GRM8: variants seen among roughly 807,000 people sequenced by gnomAD.
GRM8 encodes the protein glutamate metabotropic receptor 8, also known as metabotropic glutamate receptor 8.
GRM8 carries 47 observed loss-of-function variants against 87.2 expected under a neutral mutation model. The observed-to-expected ratio is 0.54, with a 90% CI of 0.43 to 0.69. GRM8 has a LOEUF of 0.69. GRM8 is among the 30% of genes least tolerant of loss of function. The pLI is 0.00. For missense variants in GRM8, 1,019 were observed against 1,139.2 expected, an observed-to-expected ratio of 0.89 and a Z score of 1.52; for synonymous variants, 396 against 404.5, an observed-to-expected ratio of 0.98 and a Z score of 0.25.
In GRM8 at chr7:126,574,136, T is replaced by C. The variant is rs139385815; in HGVS notation, c.1494+35226A>G. ...TAAAACACCATTTTAAATGACACTG[T>C]TACCATCACCCACCTACCCTGGAGA... On this transcript the variant is annotated intron_variant, in intron 8 of 10. Transcript: ENST00000339582. Among the ~76,000 whole-genome samples the C allele has an allele frequency of 5.1e-3, 783 of 152,310 alleles. 7 individuals carry two copies. The highest frequency in any genetic ancestry group is 0.018 in the African/African-American group (747 of 41,558).
intron 3 of GRM8, among the ~76,000 whole-genome samples, chr7:126,907,264 G>C (rs964217008): frequency 2.1e-5 from 1 of 46,554 alleles, no homozygotes; most frequent in African/African-American, 8.4e-5. Flanking sequence ...TAAGAGAAAG[G>C]AGGAGGAGGA....
chr7:126,821,145 C>A (rs1447250349), intron 6 of GRM8, among the ~76,000 whole-genome samples: 1 of 152,188 alleles, frequency 6.6e-6, no homozygotes, highest in Non-Finnish European at 1.5e-5. Context: ...TACCTTTCTA[C>A]TGATCCCTTA....
intron 3 of GRM8, among the ~76,000 whole-genome samples, chr7:126,925,664 C>T (rs1805026435): frequency 6.6e-6 from 1 of 152,166 alleles, no homozygotes; most frequent in Admixed American, 6.5e-5. Context: ...TGGTTTCCCA[C>T]TGAGCATTAT....
At chr7:126,732,691 A>G (rs971697823) in intron 7 of GRM8, among the ~76,000 whole-genome samples, 6 of 152,174 alleles carry the variant, frequency 3.9e-5, no homozygotes, top group African/African-American at 1.4e-4. Context: ...ATGTTACAGC[A>G]TATCACAAAA....
chr7:127,225,485 GA>G (rs11325479), intron 2 of GRM8, among the ~76,000 whole-genome samples: 50,357 of 143,148 alleles, frequency 0.35, 8,918 homozygotes, highest in Middle Eastern at 0.46. Context: ...CTATCTGCTG[GA>G]AAAAAAAAAA....
chr7:127,201,805 G>A (rs964680005), intron 2 of GRM8, among the ~76,000 whole-genome samples: 14 of 152,116 alleles, frequency 9.2e-5, no homozygotes, highest in Non-Finnish European at 1.3e-4. Context: ...TCTGTGGATG[G>A]CCCAAATCAT....
chr7:126,897,761 A>G (rs1286513600), intron 6 of GRM8, among the ~76,000 whole-genome samples: 6 of 152,320 alleles, frequency 3.9e-5, no homozygotes, highest in African/African-American at 1.4e-4. Context: ...ATAAATAGCT[A>G]AGTGGATGGT....
At chr7:126,519,483 A>G (rs1466215327) in intron 9 of GRM8, among the ~76,000 whole-genome samples, 2 of 152,138 alleles carry the variant, frequency 1.3e-5, no homozygotes, top group African/African-American at 4.8e-5. Flanking sequence ...GAGAGTACAC[A>G]TAGCAATTTT....
intron 2 of GRM8, among the ~76,000 whole-genome samples, chr7:127,237,341 A>T (rs1018129283): frequency 7.9e-5 from 12 of 152,218 alleles, no homozygotes; most frequent in Non-Finnish European, 1.6e-4. Context: ...GACTGCACTC[A>T]TTTATGAGTT....
chr7:126,982,643 T>C (rs1811650798), intron 3 of GRM8, among the ~76,000 whole-genome samples: 1 of 151,974 alleles, frequency 6.6e-6, no homozygotes, highest in African/African-American at 2.4e-5. Flanking sequence ...GAAATGAAGA[T>C]ATTTTCTTAG....
chr7:127,103,562 G>T (rs535019158), intron 3 of GRM8, among the ~76,000 whole-genome samples: 1 of 152,178 alleles, frequency 6.6e-6, no homozygotes, highest in African/African-American at 2.4e-5. Context: ...CACTTTCAGG[G>T]ATTTCTTTAT....
chr7:126,615,631 T>A (rs1231338813), intron 7 of GRM8, among the ~76,000 whole-genome samples: 1 of 152,032 alleles, frequency 6.6e-6, no homozygotes, highest in African/African-American at 2.4e-5. Context: ...AGGAGACCCA[T>A]CTCACGTGCA....
intron 3 of GRM8, among the ~76,000 whole-genome samples, chr7:126,941,015 T>G (rs1376183869): frequency 2.6e-5 from 4 of 152,182 alleles, no homozygotes; most frequent in African/African-American, 9.7e-5. Flanking sequence ...TTTATACATT[T>G]TAGTTAATCA....
At chr7:126,450,145 G>A (rs1277155428) in intron 9 of GRM8, among the ~76,000 whole-genome samples, 1 of 151,730 alleles carries the variant, frequency 6.6e-6, no homozygotes, top group Non-Finnish European at 1.5e-5. Context: ...CCATGATGTG[G>A]TATCATTAAA....
intron 9 of GRM8, among the ~76,000 whole-genome samples, chr7:126,500,602 C>G (rs1410327184): frequency 6.6e-6 from 1 of 152,034 alleles, no homozygotes; most frequent in Middle Eastern, 3.4e-3. Flanking sequence ...TGGAAAAGAA[C>G]AGTAGGAAGG....
At chr7:126,726,970 C>T (rs181989945) in intron 7 of GRM8, among the ~76,000 whole-genome samples, 1 of 151,912 alleles carries the variant, frequency 6.6e-6, no homozygotes. Flanking sequence ...TATCATTTTC[C>T]TCTTTAATAA....
chr7:127,210,732 A>G (rs1387706567), intron 2 of GRM8, among the ~76,000 whole-genome samples: 2 of 152,206 alleles, frequency 1.3e-5, no homozygotes, highest in Non-Finnish European at 2.9e-5. Flanking sequence ...CTCAGCCCCA[A>G]GACACCAGGG....
intron 2 of GRM8, among the ~76,000 whole-genome samples, chr7:127,221,583 AG>A (rs1796937657): frequency 6.6e-6 from 1 of 152,226 alleles, no homozygotes; most frequent in Non-Finnish European, 1.5e-5. Context: ...GAGCATCCAC[AG>A]GATCAGGCTC....
chr7:126,907,298 G>A lies in GRM8; in HGVS notation c.728-2615C>T, dbSNP rs186929737. 3.3e-4 allele frequency among the ~76,000 whole-genome samples: 49 copies of A among 148,324 alleles called. No individual in the cohort carries two copies. In the East Asian group the frequency reaches 9.4e-3, roughly 28 times the overall value. The stretch of plus-strand genomic sequence containing the variant: ...GAGGAAGAAGAAAGGGGAGGAGGAA[G>A]AGGGAGGAGGAGGAAGAGGAAGGAG... On this transcript the variant is annotated intron_variant, in intron 3 of 10. Transcript: ENST00000339582.
Sources: gnomAD v4.1 joint callset for allele counts (sites outside exome capture counted in the v4.1 genomes callset) on GRCh38, gnomAD v4.1.1 for gene constraint, MANE v1.5 for transcripts, NCBI Gene and HGNC (gene_info 2026-07-23, HGNC 2026-07-21) for gene names.